TENM3: variants seen among roughly 807,000 people sequenced by gnomAD.
TENM3 encodes teneurin-3.
Under a neutral mutation model 255.1 loss-of-function variants are expected in TENM3, and 63 were observed. That is an observed-to-expected ratio of 0.25 (90% CI 0.20 to 0.30). The LOEUF (loss-of-function observed/expected upper bound fraction) is 0.30, where lower values mean the gene tolerates loss of function less well. TENM3 is among the 10% of genes least tolerant of loss of function. The pLI, the probability that TENM3 is intolerant of heterozygous loss-of-function variation, is 1.00. For synonymous variants in TENM3, 1,306 were observed against 1,322.3 expected (o/e 0.99, Z 0.27); for missense variants, 2,929 against 3,461.1 (o/e 0.85, Z 3.86).
the TENM3 span, among the ~76,000 whole-genome samples, chr4:181,699,223 G>T: frequency 6.6e-6 from 1 of 151,776 alleles, no homozygotes. Flanking sequence ...TTGAGGCCAG[G>T]GGTTTGAGGC....
intron 3 of TENM3, among the ~76,000 whole-genome samples, chr4:182,562,567 C>T (rs1351567127): frequency 6.6e-6 from 1 of 152,072 alleles, no homozygotes; most frequent in African/African-American, 2.4e-5. Flanking sequence ...ACCGTGACAC[C>T]CTGGGCATAG....
At chr4:182,483,196 T>C (rs1734365937) in intron 3 of TENM3, among the ~76,000 whole-genome samples, 1 of 152,202 alleles carries the variant, frequency 6.6e-6, no homozygotes, top group Non-Finnish European at 1.5e-5. Flanking sequence ...GATTTTTAGC[T>C]GGACTAACAA....
At chr4:181,580,390 C>T in the TENM3 span, among the ~76,000 whole-genome samples, 3 of 152,180 alleles carry the variant, frequency 2.0e-5, no homozygotes, top group Non-Finnish European at 4.4e-5. Flanking sequence ...CCATCTGCCA[C>T]CCCAACCCAT....
the TENM3 span, among the ~76,000 whole-genome samples, chr4:181,656,298 A>G: frequency 2.0e-5 from 3 of 152,168 alleles, no homozygotes; most frequent in African/African-American, 7.2e-5. Context: ...CAGCCAAAGA[A>G]AGGGCTTGTA....
At chr4:182,588,513 A>C (rs140520776) in intron 3 of TENM3, among the ~76,000 whole-genome samples, 1 of 152,294 alleles carries the variant, frequency 6.6e-6, no homozygotes, top group East Asian at 1.9e-4. Context: ...TAATTTCACT[A>C]AAACGAAATG....
the TENM3 span, among the ~76,000 whole-genome samples, chr4:181,532,782 GT>G: frequency 6.6e-6 from 1 of 152,082 alleles, no homozygotes; most frequent in East Asian, 1.9e-4. Flanking sequence ...TGGCTATATA[GT>G]TTTTTGAGTA....
chr4:181,586,464 C>A, the TENM3 span, among the ~76,000 whole-genome samples: 4 of 152,108 alleles, frequency 2.6e-5, no homozygotes, highest in Non-Finnish European at 4.4e-5. Flanking sequence ...GAAGAGACGA[C>A]GACCAGGCAA....
the TENM3 span, among the ~76,000 whole-genome samples, chr4:181,900,131 G>T: frequency 6.6e-6 from 1 of 152,018 alleles, no homozygotes; most frequent in South Asian, 2.1e-4. Context: ...TTCAAAATTT[G>T]AGGAAGATCT....
chr4:181,607,094 A>T, the TENM3 span, among the ~76,000 whole-genome samples: 1 of 152,208 alleles, frequency 6.6e-6, no homozygotes, highest in Non-Finnish European at 1.5e-5. Context: ...GTACTAATGG[A>T]AAGGGCCTGC....
chr4:182,707,444 G>T (rs1418848462), intron 12 of TENM3, among the ~76,000 whole-genome samples: 3 of 152,104 alleles, frequency 2.0e-5, no homozygotes, highest in African/African-American at 7.2e-5. Context: ...GTGCAGAAAA[G>T]AGCAAATTAT....
intron 3 of TENM3, among the ~76,000 whole-genome samples, chr4:182,425,574 G>T (rs567266436): frequency 1.3e-5 from 2 of 152,262 alleles, no homozygotes; most frequent in East Asian, 3.9e-4. Flanking sequence ...TTTCAAAAGT[G>T]CCCACAAGGA....
At chr4:182,612,271 CAAAAAA>C (rs67422711) in intron 4 of TENM3, among the ~76,000 whole-genome samples, 1 of 67,012 alleles carries the variant, frequency 1.5e-5, no homozygotes, top group Non-Finnish European at 3.0e-5. Flanking sequence ...GACTCGGTCT[CAAAAAA>C]AAAAAAAAAA....
chr4:181,462,882 A>G, the TENM3 span, among the ~76,000 whole-genome samples: 13 of 152,170 alleles, frequency 8.5e-5, no homozygotes, highest in Non-Finnish European at 1.2e-4. Flanking sequence ...AAGGGTAGGA[A>G]CTGGCACATA....
the TENM3 span, among the ~76,000 whole-genome samples, chr4:181,530,661 T>G: frequency 6.6e-6 from 1 of 152,200 alleles, no homozygotes; most frequent in African/African-American, 2.4e-5. Context: ...CATCTTCCTT[T>G]TCAAATTCTG....
intron 3 of TENM3, among the ~76,000 whole-genome samples, chr4:182,481,465 C>G (rs557716458): frequency 1.6e-4 from 24 of 147,020 alleles, no homozygotes; most frequent in African/African-American, 5.9e-4. Context: ...TTTACACTTA[C>G]GTTGAGATTT....
chr4:182,735,408 C>G (rs1761086771), intron 16 of TENM3, among the ~76,000 whole-genome samples: 1 of 152,150 alleles, frequency 6.6e-6, no homozygotes, highest in Admixed American at 6.5e-5. Context: ...TTGAAGCTGA[C>G]AGCTCCACCC....
the TENM3 span, among the ~76,000 whole-genome samples, chr4:182,096,893 G>A: frequency 6.6e-6 from 1 of 152,200 alleles, no homozygotes; most frequent in Non-Finnish European, 1.5e-5. Context: ...AGGGATGGTG[G>A]AGAAATCTAT....
chr4:182,384,884 T>C (rs1476368177), intron 3 of TENM3, among the ~76,000 whole-genome samples: 1 of 152,156 alleles, frequency 6.6e-6, no homozygotes, highest in Admixed American at 6.5e-5. Flanking sequence ...GAGTATTAAG[T>C]CTGGAAGCTG....
At chr4:182,085,192 A>G in the TENM3 span, 1 of 152,216 alleles carries the variant, frequency 6.6e-6, no homozygotes, top group African/African-American at 2.4e-5. Context: ...ACAAAAGGAT[A>G]AGAGGCCAGG....
Sources: gnomAD v4.1 joint callset for allele counts (sites outside exome capture counted in the v4.1 genomes callset) on GRCh38, gnomAD v4.1.1 for gene constraint, MANE v1.5 for transcripts, NCBI Gene and HGNC (gene_info 2026-07-23, HGNC 2026-07-21) for gene names.